FSTL5: variants seen among roughly 807,000 people sequenced by gnomAD.
FSTL5 encodes follistatin like 5, also known as follistatin-related protein 5.
A neutral mutation model predicts 89.1 loss-of-function variants in FSTL5; 62 were observed. That is an observed-to-expected ratio of 0.70 (90% CI 0.57 to 0.86). The LOEUF is 0.86. FSTL5 is among the 40% of genes least tolerant of loss of function. The pLI is 0.00. For missense variants in FSTL5, 1,057 were observed against 1,001.6 expected (o/e 1.06, Z -0.75); for synonymous variants, 383 against 346.2 (o/e 1.11, Z -1.18).
intron 4 of FSTL5, among the ~76,000 whole-genome samples, chr4:161,782,116 G>T (rs557538274): frequency 6.6e-6 from 1 of 152,218 alleles, no homozygotes; most frequent in South Asian, 2.1e-4. Flanking sequence ...TTGTATGGAT[G>T]TACCACAGTT....
At chr4:161,961,474 G>T (rs765842117) in intron 3 of FSTL5, among the ~76,000 whole-genome samples, 17 of 151,598 alleles carry the variant, frequency 1.1e-4, no homozygotes, top group Non-Finnish European at 2.1e-4. Context: ...TGGTCCCAAA[G>T]AAGTAATTAG....
At chr4:161,501,699 C>T (rs1730299511) in intron 11 of FSTL5, among the ~76,000 whole-genome samples, 1 of 151,790 alleles carries the variant, frequency 6.6e-6, no homozygotes, top group African/African-American at 2.4e-5. Context: ...TGAACAGAAG[C>T]AGAAGTGGCA....
At chr4:161,898,638 T>TC (rs1314392467) in intron 4 of FSTL5, among the ~76,000 whole-genome samples, 3 of 149,408 alleles carry the variant, frequency 2.0e-5, no homozygotes, top group Non-Finnish European at 4.5e-5. Context: ...TTCTTTTTTT[T>TC]TTTTTTTTTG....
chr4:161,556,832 G>A (rs929859960), intron 8 of FSTL5, among the ~76,000 whole-genome samples: 14 of 134,838 alleles, frequency 1.0e-4, no homozygotes, highest in Admixed American at 3.7e-4. Flanking sequence ...ATATATATGT[G>A]TGTGTGTGTG....
chr4:161,807,289 C>T (rs1324763874), intron 4 of FSTL5, among the ~76,000 whole-genome samples: 2 of 151,968 alleles, frequency 1.3e-5, no homozygotes, highest in Non-Finnish European at 2.9e-5. Flanking sequence ...TGGTTTCAAA[C>T]TCCTGGGCTC....
chr4:161,860,011 CTTGT>C (rs1731849018), intron 4 of FSTL5, among the ~76,000 whole-genome samples: 1 of 152,168 alleles, frequency 6.6e-6, no homozygotes, highest in Non-Finnish European at 1.5e-5. Flanking sequence ...AATTTAAAAT[CTTGT>C]TTGTGGCTCA....
chr4:162,019,796 G>A (rs1227933322), intron 3 of FSTL5, among the ~76,000 whole-genome samples: 1 of 150,900 alleles, frequency 6.6e-6, no homozygotes, highest in South Asian at 2.1e-4. Flanking sequence ...GTGTGTATGT[G>A]TGTGTTATGA....
intron 15 of FSTL5, among the ~76,000 whole-genome samples, chr4:161,401,601 T>G (rs573978940): frequency 6.6e-6 from 1 of 152,170 alleles, no homozygotes; most frequent in African/African-American, 2.4e-5. Flanking sequence ...CTCAGCTCAC[T>G]GCAAGCTCTG....
intron 3 of FSTL5, among the ~76,000 whole-genome samples, chr4:162,011,575 A>C (rs1046864174): frequency 2.7e-5 from 4 of 150,244 alleles, no homozygotes; most frequent in Non-Finnish European, 4.4e-5. Flanking sequence ...CTCACTGAAA[A>C]CTCTGCCTCC....
At chr4:161,907,999 T>C (rs1010584563) in intron 4 of FSTL5, among the ~76,000 whole-genome samples, 1 of 152,072 alleles carries the variant, frequency 6.6e-6, no homozygotes, top group Non-Finnish European at 1.5e-5. Flanking sequence ...AGATATAATA[T>C]GGTACATATA....
At chr4:162,052,386 T>C (rs559319256) in intron 2 of FSTL5, among the ~76,000 whole-genome samples, 45 of 151,818 alleles carry the variant, frequency 3.0e-4, no homozygotes, top group Non-Finnish European at 4.4e-4. Flanking sequence ...ACAGTTTCTA[T>C]ACTATAACAT....
At chr4:161,881,239 T>A (rs1306304491) in intron 4 of FSTL5, among the ~76,000 whole-genome samples, 3 of 150,168 alleles carry the variant, frequency 2.0e-5, no homozygotes, top group African/African-American at 7.3e-5. Flanking sequence ...ATCTAGTTTA[T>A]CATTTGATAA....
chr4:161,833,042 G>T (rs1329405481), intron 4 of FSTL5, among the ~76,000 whole-genome samples: 2 of 150,644 alleles, frequency 1.3e-5, no homozygotes, highest in African/African-American at 4.9e-5. Context: ...CCCTCTACAC[G>T]CTGCTTTGAA....
chr4:162,032,401 G>C (rs1404711553), intron 3 of FSTL5, among the ~76,000 whole-genome samples: 1 of 152,054 alleles, frequency 6.6e-6, no homozygotes, highest in African/African-American at 2.4e-5. Context: ...AGTGCTTTGA[G>C]TATAAATAAG....
intron 3 of FSTL5, among the ~76,000 whole-genome samples, chr4:161,945,609 G>A (rs373405779): frequency 6.6e-5 from 10 of 152,156 alleles, no homozygotes; most frequent in African/African-American, 1.4e-4. Context: ...AAAATTAGCC[G>A]GGCGTAGTGG....
intron 3 of FSTL5, among the ~76,000 whole-genome samples, chr4:161,947,762 AG>A (rs1275372274): frequency 1.3e-5 from 2 of 152,146 alleles, no homozygotes; most frequent in African/African-American, 2.4e-5. Context: ...TACCAAAAAA[AG>A]TCTTCTAGAA....
At chr4:161,626,140 G>A (rs1266538147) in intron 7 of FSTL5, among the ~76,000 whole-genome samples, 1 of 152,126 alleles carries the variant, frequency 6.6e-6, no homozygotes, top group Non-Finnish European at 1.5e-5. Flanking sequence ...GATCATTGAT[G>A]AAGCTGACTA....
chr4:161,819,580 G>A (rs1193463951), intron 4 of FSTL5, among the ~76,000 whole-genome samples: 1 of 151,898 alleles, frequency 6.6e-6, no homozygotes, highest in African/African-American at 2.4e-5. Flanking sequence ...TCACAGAAGT[G>A]CATCAATCTG....
chr4:162,058,970 C>G (rs1240033660), intron 2 of FSTL5, among the ~76,000 whole-genome samples: 1 of 151,864 alleles, frequency 6.6e-6, no homozygotes, highest in Non-Finnish European at 1.5e-5. Flanking sequence ...AATTCTTTAC[C>G]CTTGGACTAG....
Sources: allele counts gnomAD v4.1 joint callset (sites outside exome capture counted in the v4.1 genomes callset), GRCh38; gene constraint gnomAD v4.1.1; transcripts MANE v1.5; gene names NCBI Gene and HGNC (gene_info 2026-07-23, HGNC 2026-07-21).